CEMIP: variants seen among roughly 807,000 people sequenced by gnomAD.
The protein encoded by CEMIP is cell migration-inducing and hyaluronan-binding protein.
Under a neutral mutation model 156.9 loss-of-function variants are expected in CEMIP, and 105 were observed. The observed-to-expected ratio is 0.67, with a 90% CI of 0.57 to 0.79. The LOEUF (loss-of-function observed/expected upper bound fraction) is 0.79. Among genes scored for constraint, CEMIP ranks in the 30% least tolerant of loss-of-function variants. CEMIP has a pLI of 0.00. For missense variants in CEMIP, 1,457 were observed against 1,769.4 expected (o/e 0.82, Z 3.17); for synonymous variants, 676 against 668.4 (o/e 1.01, Z -0.17).
intron 10 of CEMIP, among the ~76,000 whole-genome samples, chr15:80,890,852 C>G (rs529826093): frequency 5.3e-5 from 8 of 152,156 alleles, no homozygotes; most frequent in Non-Finnish European, 8.8e-5. Flanking sequence ...CTGCACTTAG[C>G]AAAGTCTGAG....
rs767278012 is a variant in CEMIP, at chr15:80,796,794, C to G, written c.-176+17180C>G. 4.6e-4 allele frequency among the ~76,000 whole-genome samples: 70 copies of G among 152,254 alleles called. No homozygotes were observed. In the Middle Eastern group the frequency reaches 0.01, roughly 22 times the overall value. On this transcript the variant is annotated intron_variant, in intron 1 of 29. Transcript: ENST00000394685. ...CAATCTGGGAGCGTGGGGTGGGTGA[C>G]TGGGGTCAGGAGAACACATGAGATT...
At chr15:80,900,634 G>C (rs867484525) in intron 12 of CEMIP, among the ~76,000 whole-genome samples, 19 of 134,674 alleles carry the variant, frequency 1.4e-4, no homozygotes, top group African/African-American at 4.7e-4. Flanking sequence ...GTGTGTGTGT[G>C]TGTGTGTGTG....
At position 80,831,393 on chromosome 15, in the gene CEMIP, A is replaced by G. The variant is rs149801690; in HGVS notation, c.-175-42145A>G. ...AAGGTCACGTGACAAGCAGAGCTCG[A>G]TGGGCTCAGTGGGCCACGGCACTTC... On this transcript the variant is annotated intron_variant, in intron 1 of 29. Coordinates refer to ENST00000394685, the MANE Select transcript of CEMIP (RefSeq NM_001293298.2). 2.4e-3 allele frequency among the ~76,000 whole-genome samples: 368 copies of G among 152,238 alleles called. 6 individuals are homozygous for G. The highest frequency in any genetic ancestry group is 0.015 in the Admixed American group (233 of 15,292).
At chr15:80,851,084 C>T (rs566094321) in intron 1 of CEMIP, among the ~76,000 whole-genome samples, 16 of 152,316 alleles carry the variant, frequency 1.1e-4, no homozygotes, top group Non-Finnish European at 8.8e-5. Context: ...CAGGCATTCG[C>T]CTGTGGACCT....
chr15:80,795,773 A>C (rs1283263011), intron 1 of CEMIP, among the ~76,000 whole-genome samples: 1 of 151,878 alleles, frequency 6.6e-6, no homozygotes, highest in Non-Finnish European at 1.5e-5. Context: ...CATCTATAAG[A>C]AAAAGGAATT....
chr15:80,795,681 C>T (rs1056350391), intron 1 of CEMIP, among the ~76,000 whole-genome samples: 1 of 152,154 alleles, frequency 6.6e-6, no homozygotes, highest in African/African-American at 2.4e-5. Context: ...GACCTATAAT[C>T]CCAGTGCTTT....
In CEMIP at chr15:80,906,988, A is replaced by G; in HGVS notation, c.1587+150A>G. ...GCCTTCTGGAAGTTTGAGAAGTCTT[A>G]TGTATTATCCATTAGTGTGCAGCTC... On this transcript the variant is annotated intron_variant, in intron 13 of 29. Transcript: ENST00000394685. The surrounding 1 kb of genome is among the most constrained non-coding windows in gnomAD (Gnocchi z 4.3). The G allele has an allele frequency of 1.3e-6, 1 of 798,212 alleles. No homozygotes were observed. Among genetic ancestry groups the G allele is most frequent in the Non-Finnish European group, 2.1e-6 (1 of 486,142 alleles). 49.4% of individuals were successfully genotyped at this position (798,212 alleles called of 1,614,324 possible). A position where few individuals can be genotyped will look rare whatever the true frequency, so the allele number is the denominator to read the frequency against.
chr15:80,850,330 G>T (rs1033734839), intron 1 of CEMIP, among the ~76,000 whole-genome samples: 2 of 152,178 alleles, frequency 1.3e-5, no homozygotes, highest in African/African-American at 2.4e-5. Flanking sequence ...AGGCTGGAGT[G>T]CAGTAGCGCA....
intron 1 of CEMIP, among the ~76,000 whole-genome samples, chr15:80,796,612 A>G (rs1567050430): frequency 6.6e-6 from 1 of 152,232 alleles, no homozygotes; most frequent in African/African-American, 2.4e-5. Context: ...CGAAAAAGAT[A>G]TCAAGGCTTG....
At chr15:80,837,344 G>A (rs1305816670) in intron 1 of CEMIP, among the ~76,000 whole-genome samples, 1 of 152,196 alleles carries the variant, frequency 6.6e-6, no homozygotes. Flanking sequence ...GGGTGGTGGA[G>A]TCTAGAATCA....
At chr15:80,925,827 C>T in intron 19 of CEMIP, 72 bp downstream of exon 19, 1 of 1,560,890 alleles carries the variant, frequency 6.4e-7, no homozygotes, top group South Asian at 1.2e-5. Context: ...CCTACAGAGA[C>T]AGGAGAGCAA....
chr15:80,792,328 C>G (rs1896102025), intron 1 of CEMIP, among the ~76,000 whole-genome samples: 1 of 152,172 alleles, frequency 6.6e-6, no homozygotes, highest in African/African-American at 2.4e-5. Context: ...AGTTTGCATG[C>G]TGTCTACTTT....
Position 80,873,544 on chromosome 15 carries a change from G to A in CEMIP, c.-169G>A, listed in dbSNP as rs1008943768. The A allele has an allele frequency of 2.8e-6, 1 of 357,636 alleles. No individual in the cohort carries two copies. Among genetic ancestry groups the A allele is most frequent in the African/African-American group, 2.1e-5 (1 of 47,778 alleles). 22.2% of individuals were successfully genotyped at this position (357,636 alleles called of 1,614,324 possible). A position where few individuals can be genotyped will look rare whatever the true frequency, so the allele number is the denominator to read the frequency against. ...CTCTGTTTCTTAACTTAAGAGAAAA[G>A]CTTCATTCTGGAGGGGAAGGAGTTT... On this transcript the variant is annotated 5_prime_UTR_variant, in exon 2 of 30. Transcript: ENST00000394685.
intron 1 of CEMIP, among the ~76,000 whole-genome samples, chr15:80,783,471 G>GA (rs748699285): frequency 2.0e-5 from 3 of 152,174 alleles, no homozygotes. Flanking sequence ...TTTGAACAGT[G>GA]AATAGGAAAG....
intron 12 of CEMIP, among the ~76,000 whole-genome samples, chr15:80,900,634 GTGTGTGTGTGTGTGTCTGTGTGTGTGTC>G (rs1567090892): frequency 4.4e-4 from 59 of 134,668 alleles, no homozygotes; most frequent in African/African-American, 1.5e-3. Context: ...GTGTGTGTGT[GTGTGTGTGTGTGTGTCTGTGTGTGTGTC>G]TGTGTGTGTG....
intron 12 of CEMIP, among the ~76,000 whole-genome samples, chr15:80,902,591 A>G (rs2141879062): frequency 6.6e-6 from 1 of 152,292 alleles, no homozygotes; most frequent in South Asian, 2.1e-4. Flanking sequence ...TCTGATAGGA[A>G]GCTCTGCAGC....
chr15:80,934,217 A>G (rs1304161863), intron 23 of CEMIP, among the ~76,000 whole-genome samples: 4 of 152,130 alleles, frequency 2.6e-5, no homozygotes, highest in Admixed American at 1.3e-4. Context: ...GTGATATTTG[A>G]TATATGTATA....
chr15:80,862,892 C>T (rs907466327), intron 1 of CEMIP, among the ~76,000 whole-genome samples: 6 of 152,274 alleles, frequency 3.9e-5, no homozygotes, highest in African/African-American at 7.2e-5. Flanking sequence ...AGGTGATGGG[C>T]GTCTATGGTC....
intron 1 of CEMIP, among the ~76,000 whole-genome samples, chr15:80,780,796 A>T (rs1895771505): frequency 6.6e-6 from 1 of 152,146 alleles, no homozygotes; most frequent in Non-Finnish European, 1.5e-5. Flanking sequence ...GACAGCTCCC[A>T]GCCACTTCCT....
Sources: allele counts gnomAD v4.1 joint callset (sites outside exome capture counted in the v4.1 genomes callset), GRCh38; gene constraint gnomAD v4.1.1; non-coding constraint Gnocchi (gnomAD v3.1); transcripts MANE v1.5; gene names NCBI Gene and HGNC (gene_info 2026-07-23, HGNC 2026-07-21).